Variants in ANO4 observed in about 807,000 individuals in gnomAD.
The protein encoded by ANO4 is anoctamin 4, also known as anoctamin-4.
In ANO4, 69 loss-of-function variants were observed where a neutral mutation model predicts 141.9. That is an observed-to-expected ratio of 0.49 (90% confidence interval 0.40 to 0.59). ANO4 has a LOEUF of 0.59. Among genes scored for constraint, ANO4 ranks in the 20% least tolerant of loss-of-function variants. ANO4 has a pLI of 0.00. For missense variants in ANO4, 894 were observed against 1,162.2 expected, an observed-to-expected ratio of 0.77 and a Z score of 3.36; for synonymous variants, 350 against 394.3, an observed-to-expected ratio of 0.89 and a Z score of 1.33.
chr12:101,008,358 A>G (rs575995952), intron 8 of ANO4, among the ~76,000 whole-genome samples: 20 of 152,190 alleles, frequency 1.3e-4, no homozygotes, highest in Non-Finnish European at 2.5e-4. Context: ...TTAATGCCTC[A>G]TATCTAAATA....
At chr12:100,884,529 T>C (rs2039731299) in intron 1 of ANO4, among the ~76,000 whole-genome samples, 1 of 152,164 alleles carries the variant, frequency 6.6e-6, no homozygotes, top group South Asian at 2.1e-4. Context: ...AGTTTTTTAT[T>C]GCTTCTGTAA....
chr12:100,828,605 A>C (rs1413625148), intron 1 of ANO4, among the ~76,000 whole-genome samples: 1 of 152,064 alleles, frequency 6.6e-6, no homozygotes, highest in Admixed American at 6.6e-5. Context: ...CTTATTCTTT[A>C]TATCTTTTAC....
chr12:100,842,182 A>G (rs1018468157), intron 1 of ANO4: 2 of 150,512 alleles, frequency 1.3e-5, no homozygotes, highest in African/African-American at 4.9e-5. Flanking sequence ...GGCATTTTTC[A>G]CAGGCTCCAG....
At chr12:101,010,470 G>A (rs2046039643) in intron 8 of ANO4, among the ~76,000 whole-genome samples, 1 of 152,084 alleles carries the variant, frequency 6.6e-6, no homozygotes, top group Non-Finnish European at 1.5e-5. Flanking sequence ...AACTTTCAAT[G>A]TTATATATTT....
At chr12:101,091,691 A>G (rs1316735821) in intron 17 of ANO4, among the ~76,000 whole-genome samples, 1 of 152,120 alleles carries the variant, frequency 6.6e-6, no homozygotes, top group Non-Finnish European at 1.5e-5. Context: ...CATTATTTAG[A>G]CATTAATTAT....
At chr12:100,908,317 G>T (rs1231550266) in intron 2 of ANO4, among the ~76,000 whole-genome samples, 6 of 152,098 alleles carry the variant, frequency 3.9e-5, no homozygotes, top group Admixed American at 3.9e-4. Flanking sequence ...CCGCTGCACT[G>T]CAGCCTGGGC....
intron 3 of ANO4, among the ~76,000 whole-genome samples, chr12:100,929,514 C>T (rs1352269092): frequency 6.6e-6 from 1 of 152,106 alleles, no homozygotes; most frequent in Non-Finnish European, 1.5e-5. Context: ...ATCTGTTCAT[C>T]TGTTGATGGA....
Position 100,840,127 on chromosome 12 carries a change from A to AATG in ANO4, c.-141+45102_-141+45103insGAT, listed in dbSNP as rs530071239. On this transcript the variant is annotated intron_variant, in intron 1 of 27. Coordinates refer to ENST00000392977, the MANE Select transcript of ANO4 (RefSeq NM_001286615.2). ...AAAAAGAAGTCCTTAAACCAAAAAT[A>AATG]ATAATAATAATAATAACAATAAAGG... 1.2e-3 allele frequency among the ~76,000 whole-genome samples: 187 copies of AATG among 151,408 alleles called. No homozygotes were observed. The Middle Eastern group carries it at 0.024, about 19-fold the overall frequency.
chr12:100,746,471 A>G (rs55861107), intron 3 of ANO4, among the ~76,000 whole-genome samples: 26,903 of 148,756 alleles, frequency 0.18, 2,973 homozygotes, highest in Non-Finnish European at 0.24. Flanking sequence ...ATGATCTTGA[A>G]TCTAGAAGAA....
At chr12:100,727,829 C>G (rs1593233827) in intron 1 of ANO4, among the ~76,000 whole-genome samples, 1 of 152,112 alleles carries the variant, frequency 6.6e-6, no homozygotes, top group East Asian at 1.9e-4. Context: ...CCCATCCTTA[C>G]CCCTTTGAAC....
chr12:101,015,613 A>G (rs1309121802), intron 8 of ANO4, among the ~76,000 whole-genome samples: 1 of 152,234 alleles, frequency 6.6e-6, no homozygotes, highest in Non-Finnish European at 1.5e-5. Flanking sequence ...GTATATTTGT[A>G]GAATACATTT....
chr12:100,976,732 G>A (rs530327652), intron 7 of ANO4, among the ~76,000 whole-genome samples: 1 of 152,228 alleles, frequency 6.6e-6, no homozygotes, highest in Non-Finnish European at 1.5e-5. Context: ...ATTAAAATAC[G>A]GATTTGACTG....
chr12:101,040,989 G>T (rs993483830), intron 11 of ANO4, among the ~76,000 whole-genome samples: 2 of 152,068 alleles, frequency 1.3e-5, no homozygotes, highest in African/African-American at 4.8e-5. Flanking sequence ...AAATATATGT[G>T]TGTGTTTTTT....
At chr12:100,875,769 C>T (rs1248460238) in intron 1 of ANO4, among the ~76,000 whole-genome samples, 1 of 151,934 alleles carries the variant, frequency 6.6e-6, no homozygotes, top group East Asian at 1.9e-4. Flanking sequence ...TCAAGAATGA[C>T]TTTCAGATTT....
At chr12:100,990,026 C>T (rs867051935) in intron 8 of ANO4, among the ~76,000 whole-genome samples, 13 of 131,960 alleles carry the variant, frequency 9.9e-5, no homozygotes, top group Non-Finnish European at 1.7e-5. Context: ...GATGGATGGA[C>T]AGATGGATGA....
At chr12:101,054,511 T>C (rs1361909806) in intron 14 of ANO4, among the ~76,000 whole-genome samples, 1 of 152,226 alleles carries the variant, frequency 6.6e-6, no homozygotes, top group African/African-American at 2.4e-5. Flanking sequence ...CTTTTTTTCT[T>C]TTTTTTGAGA....
chr12:101,119,322 T>A (rs2050986503), intron 25 of ANO4, among the ~76,000 whole-genome samples: 1 of 152,022 alleles, frequency 6.6e-6, no homozygotes, highest in Admixed American at 6.6e-5. Flanking sequence ...TAGCCAGGCA[T>A]TTTTGTGCAC....
At chr12:101,124,044 C>T (rs1007767516) in intron 26 of ANO4, among the ~76,000 whole-genome samples, 4 of 152,164 alleles carry the variant, frequency 2.6e-5, no homozygotes, top group African/African-American at 7.2e-5. Context: ...AATTGCCACA[C>T]TGTCTTCCAC....
At chr12:100,918,740 C>G (rs1321956723) in intron 2 of ANO4, among the ~76,000 whole-genome samples, 1 of 152,062 alleles carries the variant, frequency 6.6e-6, no homozygotes, top group Non-Finnish European at 1.5e-5. Flanking sequence ...GACAATTAAA[C>G]TACTATGTTA....
Sources: gnomAD v4.1 joint callset for allele counts (sites outside exome capture counted in the v4.1 genomes callset) on GRCh38, gnomAD v4.1.1 for gene constraint, MANE v1.5 for transcripts, NCBI Gene and HGNC (gene_info 2026-07-23, HGNC 2026-07-21) for gene names.